The following RGS6 variants were observed in gnomAD, a reference collection of about 807,000 sequenced individuals.
The protein encoded by RGS6 is regulator of G-protein signaling 6.
RGS6 carries 30 observed loss-of-function variants against 78.5 expected under a neutral mutation model. The observed-to-expected ratio is 0.38, with a 90% CI of 0.29 to 0.52. The LOEUF is 0.52. Ranked by LOEUF, RGS6 falls within the 20% of genes least tolerant of loss-of-function variation. RGS6 has a pLI of 0.85. For synonymous variants in RGS6, 206 were observed against 206.0 expected (o/e 1.00, Z 0.00); for missense variants, 495 against 609.7 (o/e 0.81, Z 1.98).
At chr14:72,157,686 C>T (rs887522300) in intron 2 of RGS6, among the ~76,000 whole-genome samples, 5 of 152,066 alleles carry the variant, frequency 3.3e-5, no homozygotes, top group Non-Finnish European at 7.4e-5. Context: ...GGGCCACATG[C>T]TGAGAGAGGT....
At chr14:72,524,169 C>T (rs1189035953) in intron 15 of RGS6, among the ~76,000 whole-genome samples, 1 of 152,198 alleles carries the variant, frequency 6.6e-6, no homozygotes, top group African/African-American at 2.4e-5. Flanking sequence ...AAGAAATTCT[C>T]TCAAAATATC....
intron 12 of RGS6, among the ~76,000 whole-genome samples, chr14:72,483,149 T>C (rs1426874060): frequency 2.0e-5 from 3 of 152,142 alleles, no homozygotes; most frequent in African/African-American, 4.8e-5. Flanking sequence ...CAAACCAACT[T>C]TGAGAAGCAA....
At chr14:72,125,105 A>G (rs774292366) in intron 2 of RGS6, among the ~76,000 whole-genome samples, 1 of 152,140 alleles carries the variant, frequency 6.6e-6, no homozygotes, top group African/African-American at 2.4e-5. Context: ...AGGCCCTCCA[A>G]CCTTTCTTTC....
chr14:72,620,107 C>T, the RGS6 span: 1 of 963,018 alleles, frequency 1.0e-6, no homozygotes, highest in Non-Finnish European at 1.5e-6. Context: ...TTTCCAGGCC[C>T]CACTTGGAGT....
intron 3 of RGS6, among the ~76,000 whole-genome samples, chr14:72,438,292 T>C (rs1318961592): frequency 1.3e-5 from 2 of 152,060 alleles, no homozygotes; most frequent in Non-Finnish European, 2.9e-5. Context: ...CGAGCCCCTC[T>C]TCTCTCTCTG....
intron 2 of RGS6, among the ~76,000 whole-genome samples, chr14:72,031,540 G>A (rs938239052): frequency 6.6e-6 from 1 of 152,144 alleles, no homozygotes; most frequent in African/African-American, 2.4e-5. Flanking sequence ...TTATTACATG[G>A]ATAATGTAGA....
intron 2 of RGS6, among the ~76,000 whole-genome samples, chr14:72,122,704 T>G (rs2096079522): frequency 6.6e-6 from 1 of 151,408 alleles, no homozygotes; most frequent in African/African-American, 2.4e-5. Flanking sequence ...CTGTTCTGAA[T>G]CAGAATGAGG....
chr14:72,023,484 G>T (rs532578944), intron 2 of RGS6, among the ~76,000 whole-genome samples: 1 of 151,278 alleles, frequency 6.6e-6, no homozygotes, highest in East Asian at 2.0e-4. Context: ...GGAAAATTTA[G>T]AAATCAGAGT....
chr14:72,498,093 A>C lies in RGS6; in HGVS notation c.965+2831A>C, dbSNP rs150868318. ...TTAGAGAGTTTTTCTTTTCCCACTG[A>C]GTGTTGGGAGAGTGGTTGATAATCA... On this transcript the variant is annotated intron_variant, in intron 13 of 17. Transcript: ENST00000553525. Among the ~76,000 whole-genome samples the C allele has an allele frequency of 2.3e-3, 351 of 152,040 alleles. 2 individuals carry two copies. Among genetic ancestry groups the C allele is most frequent in the African/African-American group, 7.5e-3 (311 of 41,480 alleles).
intron 2 of RGS6, among the ~76,000 whole-genome samples, chr14:72,144,045 G>A (rs1598328471): frequency 6.6e-6 from 1 of 152,072 alleles, no homozygotes; most frequent in South Asian, 2.1e-4. Flanking sequence ...AGACATTGGC[G>A]AGACTGGGAA....
intron 2 of RGS6, among the ~76,000 whole-genome samples, chr14:72,269,984 G>C (rs574813481): frequency 2.6e-5 from 4 of 152,300 alleles, no homozygotes; most frequent in African/African-American, 9.6e-5. Context: ...GGAAGTTTAC[G>C]TTTTGAAGGG....
At chr14:72,203,089 A>G (rs928806544) in intron 2 of RGS6, among the ~76,000 whole-genome samples, 10 of 151,962 alleles carry the variant, frequency 6.6e-5, no homozygotes, top group Non-Finnish European at 1.0e-4. Context: ...GTTAGCCAGG[A>G]TGGTCTCGAT....
intron 3 of RGS6, among the ~76,000 whole-genome samples, chr14:72,443,587 C>G (rs545902565): frequency 2.0e-5 from 3 of 152,286 alleles, no homozygotes; most frequent in Non-Finnish European, 4.4e-5. Context: ...AGCCTTAGCC[C>G]CCTAGATTAT....
At chr14:71,947,640 ACT>A (rs2152982151) in intron 1 of RGS6, among the ~76,000 whole-genome samples, 1 of 152,078 alleles carries the variant, frequency 6.6e-6, no homozygotes, top group Admixed American at 6.5e-5. Flanking sequence ...GTGTGCCACC[ACT>A]CTGAGCTAAT....
At chr14:72,026,786 A>T (rs1307948239) in intron 2 of RGS6, among the ~76,000 whole-genome samples, 1 of 152,226 alleles carries the variant, frequency 6.6e-6, no homozygotes, top group Non-Finnish European at 1.5e-5. Context: ...TGTGTCAGAT[A>T]CTAAGTGGTG....
chr14:72,460,900 A>G (rs1322231214), intron 6 of RGS6, among the ~76,000 whole-genome samples: 1 of 151,972 alleles, frequency 6.6e-6, no homozygotes, highest in Non-Finnish European at 1.5e-5. Flanking sequence ...ACAGGGAGCC[A>G]AGCTGAGGAT....
rs2091396529 is a variant in RGS6, at chr14:71,945,650, C to CT, written c.-21+12715dup. ...AGACCTGGATACCAAATAAGATTTC[C>CT]TTTTTTCTAGAAGCAGAACAGCCAT... On this transcript the variant is annotated intron_variant, in intron 1 of 17. Transcript: ENST00000553525. 3.9e-5 allele frequency among the ~76,000 whole-genome samples: 6 copies of CT among 152,144 alleles called. No individual in the cohort carries two copies. The South Asian group carries it at 1.2e-3, about 32-fold the overall frequency.
downstream of RGS6, among the ~76,000 whole-genome samples, chr14:72,570,067 C>A (rs2153560637): frequency 6.6e-6 from 1 of 152,318 alleles, no homozygotes; most frequent in East Asian, 1.9e-4. Context: ...TACTTAGAGT[C>A]AGCCCTCTGT....
At chr14:71,960,652 T>G (rs913563713) in intron 1 of RGS6, among the ~76,000 whole-genome samples, 1 of 152,242 alleles carries the variant, frequency 6.6e-6, no homozygotes. Flanking sequence ...CAGATTCAGA[T>G]AGTTGCGAAT....
Sources: gnomAD v4.1 joint callset for allele counts (sites outside exome capture counted in the v4.1 genomes callset) on GRCh38, gnomAD v4.1.1 for gene constraint, MANE v1.5 for transcripts, NCBI Gene and HGNC (gene_info 2026-07-23, HGNC 2026-07-21) for gene names.